Variants in USP35 observed in about 807,000 individuals in gnomAD.
The protein encoded by USP35 is ubiquitin specific peptidase 35.
Under a neutral mutation model 83.8 loss-of-function variants are expected in USP35, and 69 were observed. The observed-to-expected ratio is 0.82, with a 90% CI of 0.68 to 1.01. The LOEUF (loss-of-function observed/expected upper bound fraction) is 1.01, where lower values mean the gene tolerates loss of function less well. Ranked by LOEUF, USP35 falls within the 50% of genes least tolerant of loss-of-function variation. USP35 has a pLI of 0.00. For missense variants in USP35, 1,503 were observed against 1,362.5 expected (o/e 1.10, Z -1.62); for synonymous variants, 714 against 589.5 (o/e 1.21, Z -3.06).
At chr11:78,226,553 C>T in the USP35 span, 267 of 1,410,352 alleles carry the variant, frequency 1.9e-4, no homozygotes, top group Non-Finnish European at 2.4e-4. Context: ...CACTGATTGG[C>T]GGTCTCTGCT....
Position 78,188,954 on chromosome 11 carries a change from G to A in USP35, c.-214G>A, listed in dbSNP as rs1387156534. On this transcript the variant is annotated 5_prime_UTR_variant, in exon 1 of 11. Coordinates refer to ENST00000529308, the MANE Select transcript of USP35 (RefSeq NM_020798.4). ...CCGCGCCGCAGAGTCGGGCTTCCTG[G>A]ATACATAGAGGCTTGTGCCAGGCGG... The A allele has an allele frequency of 2.2e-5, 22 of 985,530 alleles. No individual in the cohort carries two copies. Among genetic ancestry groups the A allele is most frequent in the Non-Finnish European group, 2.7e-5 (22 of 830,094 alleles). The allele number at this position is 985,530 out of a possible 1,614,324, so 61.0% of individuals were successfully genotyped here.
chr11:78,210,315 C>T lies in USP35; in HGVS notation c.2460C>T (p.Arg820=), dbSNP rs377027245. 1.2e-6 allele frequency: 2 copies of T among 1,613,454 alleles called. No individual in the cohort carries two copies. Among genetic ancestry groups the T allele is most frequent in the Non-Finnish European group, 1.7e-6 (2 of 1,179,976 alleles). ...RFSFDLRTMR[R]RKILDDVSIP... ...CTTTCGACCTGCGCACCATGCGGCG[C>T]CGCAAGATCCTGGATGACGTCTCCA... Residue 820 remains arginine (R), a synonymous_variant, in exon 10 of 11, where the codon CGC becomes CGT. Coordinates refer to ENST00000529308, the MANE Select transcript of USP35 (RefSeq NM_020798.4).
At chr11:78,200,331 C>T in intron 5 of USP35, 97 bp downstream of exon 5, 4 of 1,420,518 alleles carry the variant, frequency 2.8e-6, no homozygotes, top group Non-Finnish European at 3.9e-6. Context: ...TGCCTGCTGA[C>T]CCTGGGCTCT....
chr11:78,213,705 G>A lies in USP35; in HGVS notation c.2949G>A (p.Pro983=), dbSNP rs370959438. The change falls in exon 11 of 11, where the codon CCG becomes CCA. Residue 983 remains proline, a synonymous_variant. Transcript: ENST00000529308. ...ACATCTCTGCACTCCCCACATCTCC[G>A]CACTGGGGGAGGGGCTTTGATGAAG... is the stretch of plus-strand genomic sequence containing the variant. ...AAYISALPTS[P]HWGRGFDEDK... 54 of 1,531,904 alleles carry A rather than the reference G, an allele frequency of 3.5e-5. No homozygotes were observed. Among genetic ancestry groups the A allele is most frequent in the East Asian group, 1.8e-4 (7 of 38,594 alleles). The allele number at this position is 1,531,904 out of a possible 1,614,324, so 94.9% of individuals were successfully genotyped here.
chr11:78,225,377 C>T, the USP35 span, among the ~76,000 whole-genome samples: 1 of 152,192 alleles, frequency 6.6e-6, no homozygotes, highest in East Asian at 1.9e-4. Context: ...AAAATTCCTC[C>T]TGGGCTTCTA....
At chr11:78,217,838 C>T (rs1372330987), downstream of USP35, 1 of 152,258 alleles carries the variant, frequency 6.6e-6, no homozygotes, top group Admixed American at 6.5e-5. Context: ...AGACTCGTTC[C>T]TACCCTGCGA....
At chr11:78,222,297 G>C in the USP35 span, 1 of 752,182 alleles carries the variant, frequency 1.3e-6, no homozygotes, top group South Asian at 1.5e-5. Context: ...GGCCTGCAAA[G>C]TCATTCCAGT....
rs746020491 is a variant in USP35 at position 78,198,115 on chromosome 11, C to G, written c.806+47C>G. 1.9e-5 allele frequency: 30 copies of G among 1,610,236 alleles called. No individual in the cohort carries two copies. In the African/African-American group the frequency reaches 2.4e-4, roughly 13 times the overall value. The stretch of plus-strand genomic sequence containing the variant: ...ATGATCAGGGCTGGGGCCCCTCCCT[C>G]TCTTCCTCTCAGAAGCCCCTTCTCC... On this transcript the variant is annotated intron_variant, in intron 3 of 10. Transcript: ENST00000529308.
intron 10 of USP35, 123 bp from the exon 11 acceptor site, chr11:78,213,523 G>GTCTC (rs893560056): frequency 3.4e-6 from 4 of 1,161,488 alleles, no homozygotes; most frequent in Non-Finnish European, 4.5e-6. Context: ...GAGCTGCAAT[G>GTCTC]TCTCTGTGTG....
chr11:78,204,825 T>C (rs1463750641), intron 6 of USP35, among the ~76,000 whole-genome samples: 1 of 152,238 alleles, frequency 6.6e-6, no homozygotes, highest in Non-Finnish European at 1.5e-5. Flanking sequence ...AATTATCCGA[T>C]AAATGATCCT....
intron 10 of USP35, among the ~76,000 whole-genome samples, chr11:78,212,728 CATTGGTTTTTGTAT>C (rs898364636): frequency 6.6e-6 from 1 of 152,192 alleles, no homozygotes; most frequent in Admixed American, 6.5e-5. Context: ...AATTTTTGCA[CATTGGTTTTTGTAT>C]GTATCATCTT....
chr11:78,221,347 G>A, the USP35 span, among the ~76,000 whole-genome samples: 3 of 152,182 alleles, frequency 2.0e-5, no homozygotes. Flanking sequence ...CCACTGAGGA[G>A]ATACCTCCAC....
At chr11:78,222,269 CAT>C in the USP35 span, 1 of 933,172 alleles carries the variant, frequency 1.1e-6, no homozygotes, top group South Asian at 1.3e-5. Flanking sequence ...ATATATAACA[CAT>C]GAGCATGTTT....
At chr11:78,225,958 A>C in the USP35 span, among the ~76,000 whole-genome samples, 1 of 152,242 alleles carries the variant, frequency 6.6e-6, no homozygotes, top group Non-Finnish European at 1.5e-5. Flanking sequence ...CTCTCAGTGG[A>C]AAACAAGTAA....
In USP35 at chr11:78,215,052, C is replaced by T. The variant is rs1864049245; in HGVS notation, c.*1239C>T. Among the ~76,000 whole-genome samples the T allele has an allele frequency of 6.6e-6, 1 of 152,066 alleles. No homozygotes were observed. The highest frequency in any genetic ancestry group is 2.4e-5 in the African/African-American group (1 of 41,394). ...CCCTCAAGATGTCACATCTAAGTGA[C>T]CTGTGAAAGCAGCAGACAGACACGC... On this transcript the variant is annotated 3_prime_UTR_variant, in exon 11 of 11. Coordinates refer to ENST00000529308, the MANE Select transcript of USP35 (RefSeq NM_020798.4).
chr11:78,229,782 C>CT, the USP35 span, among the ~76,000 whole-genome samples: 3 of 152,194 alleles, frequency 2.0e-5, no homozygotes, highest in Non-Finnish European at 4.4e-5. Flanking sequence ...GCAGTGTTCC[C>CT]TGTGTGCCCC....
At chr11:78,194,023 C>T (rs1047489968) in intron 1 of USP35, among the ~76,000 whole-genome samples, 21 of 151,224 alleles carry the variant, frequency 1.4e-4, no homozygotes, top group African/African-American at 2.7e-4. Flanking sequence ...TGAGCCACCG[C>T]GCCCGGCCGC....
rs1038869304 is a variant in USP35 at position 78,196,045 on chromosome 11, C to G, written c.-10-191C>G. 2.0e-5 allele frequency among the ~76,000 whole-genome samples: 3 copies of G among 152,150 alleles called. No homozygotes were observed. Among genetic ancestry groups the G allele is most frequent in the African/African-American group, 7.2e-5 (3 of 41,442 alleles). On this transcript the variant is annotated intron_variant, in intron 1 of 10. Transcript: ENST00000529308. The surrounding 1 kb of genome is among the most constrained non-coding windows in gnomAD (Gnocchi z 4.8). ...GCAGGCCCCTGGCATTTATTATGTG[C>G]CAAGTGTTGTGCTTTATTTCATCAG...
At chr11:78,229,317 G>T in the USP35 span, among the ~76,000 whole-genome samples, 3 of 152,166 alleles carry the variant, frequency 2.0e-5, no homozygotes, top group East Asian at 5.8e-4. Flanking sequence ...ACTCGAAGCT[G>T]CTCAGGCTGC....
Sources: gnomAD v4.1 joint callset for allele counts (sites outside exome capture counted in the v4.1 genomes callset) on GRCh38, gnomAD v4.1.1 for gene constraint, Gnocchi (gnomAD v3.1) non-coding constraint, MANE v1.5 for transcripts, NCBI Gene and HGNC (gene_info 2026-07-23, HGNC 2026-07-21) for gene names.